The following CCZ1 variants were observed in gnomAD, a reference collection of about 807,000 sequenced individuals.
CCZ1 encodes vacuolar fusion protein CCZ1 homolog.
A neutral mutation model predicts 57.8 loss-of-function variants in CCZ1; 19 were observed. That is an observed-to-expected ratio of 0.33 (90% CI 0.23 to 0.48). The LOEUF is 0.48. Among genes scored for constraint, CCZ1 ranks in the 20% least tolerant of loss-of-function variants. CCZ1 has a pLI of 0.99. For missense variants in CCZ1, 200 were observed against 492.0 expected (o/e 0.41, Z 5.61); for synonymous variants, 81 against 167.0 (o/e 0.49, Z 3.97).
chr7:5,899,385 T>TGTGTG (rs1314094356), intron 1 of CCZ1, among the ~76,000 whole-genome samples: 1 of 109,270 alleles, frequency 9.2e-6, no homozygotes, highest in African/African-American at 3.7e-5. Flanking sequence ...GTGTGTGTGG[T>TGTGTG]TTTTCTGAGG....
chr7:5,902,171 G>A (rs1296888202), intron 5 of CCZ1: 3 of 183,792 alleles, frequency 1.6e-5, no homozygotes, highest in Non-Finnish European at 2.2e-5. Context: ...CATGGTGCAT[G>A]CCTGTAGTCC....
rs556607271 is a variant in CCZ1 at position 5,899,673 on chromosome 7, C to G, written c.121-611C>G. ...TTCCAGTTACTCAGGAGGCTGAGGC[C>G]AGAGGATCGCTTGAGCCCAAGTGAT... On this transcript the variant is annotated intron_variant, in intron 1 of 14. Coordinates refer to ENST00000325974, the MANE Select transcript of CCZ1 (RefSeq NM_015622.6). Among the ~76,000 whole-genome samples, 263 of 146,790 alleles carry G rather than the reference C, an allele frequency of 1.8e-3. 1 individual carries two copies. Among genetic ancestry groups the G allele is most frequent in the African/African-American group, 6.3e-3 (248 of 39,560 alleles).
rs1352722548 is a variant in CCZ1 at position 5,904,539 on chromosome 7, A to C, written c.523-555A>C. ...GACTCTGTCTATACCAAAAAAAAAAAAAAAAATTTTTGGCCAGGCGTGGTG... is the reference window on the plus strand; with the variant it reads ...GACTCTGTCTATACCAAAAAAAAAACAAAAAATTTTTGGCCAGGCGTGGTG... On this transcript the variant is annotated intron_variant, in intron 6 of 14. Coordinates refer to ENST00000325974, the MANE Select transcript of CCZ1 (RefSeq NM_015622.6). Among the ~76,000 whole-genome samples the C allele has an allele frequency of 3.4e-5, 5 of 147,076 alleles. 1 individual carries two copies. The highest frequency in any genetic ancestry group is 1.3e-4 in the African/African-American group (5 of 38,906).
chr7:5,903,758 C>T (rs1380935245), intron 6 of CCZ1, among the ~76,000 whole-genome samples: 1 of 147,568 alleles, frequency 6.8e-6, no homozygotes, highest in Non-Finnish European at 1.5e-5. Flanking sequence ...CTTTGGGAGG[C>T]CGATGCGGGC....
intron 8 of CCZ1, among the ~76,000 whole-genome samples, chr7:5,910,759 G>C (rs1781956048): frequency 7.1e-6 from 1 of 140,880 alleles, no homozygotes; most frequent in South Asian, 2.4e-4. Flanking sequence ...TATTGGGACA[G>C]AGTTTTGTTC....
intron 5 of CCZ1, chr7:5,902,045 G>T (rs1231592810): frequency 8.0e-6 from 2 of 249,968 alleles, no homozygotes; most frequent in Non-Finnish European, 1.5e-5. Flanking sequence ...TGTAATTTCA[G>T]CATTCTGGGA....
intron 7 of CCZ1, among the ~76,000 whole-genome samples, chr7:5,908,999 AC>A (rs1479461128): frequency 2.7e-5 from 4 of 146,550 alleles, no homozygotes; most frequent in Non-Finnish European, 5.9e-5. Flanking sequence ...TTACCATATA[AC>A]CCAGGAAGCT....
intron 1 of CCZ1, among the ~76,000 whole-genome samples, 189 bp from the exon 2 acceptor site, chr7:5,900,095 C>T (rs1781648627): frequency 6.6e-6 from 1 of 151,224 alleles, no homozygotes; most frequent in Non-Finnish European, 1.5e-5. Flanking sequence ...AACTCCTGAG[C>T]TCAAGTGATC....
chr7:5,905,634 T>G (rs1427674538), intron 7 of CCZ1, among the ~76,000 whole-genome samples: 1 of 143,796 alleles, frequency 7.0e-6, no homozygotes, highest in African/African-American at 2.6e-5. Context: ...ATACAAAAAG[T>G]AGCTGGGCGT....
At chr7:5,903,237 C>T (rs1175522163) in intron 6 of CCZ1, among the ~76,000 whole-genome samples, 3 of 146,202 alleles carry the variant, frequency 2.1e-5, no homozygotes, top group African/African-American at 5.1e-5. Flanking sequence ...TGTCCTCTTT[C>T]GTTGTAATTG....
intron 8 of CCZ1, among the ~76,000 whole-genome samples, chr7:5,910,747 T>TTTAC (rs1220605987): frequency 6.8e-6 from 1 of 146,852 alleles, no homozygotes; most frequent in East Asian, 2.2e-4. Flanking sequence ...TATTTATTTA[T>TTTAC]TTATTGGGAC....
intron 7 of CCZ1, among the ~76,000 whole-genome samples, chr7:5,909,261 T>G (rs910208197): frequency 2.0e-5 from 3 of 149,738 alleles, no homozygotes; most frequent in Non-Finnish European, 4.4e-5. Context: ...GATATAATGT[T>G]AAAGAGAAAA....
At position 5,901,580 on chromosome 7, in the gene CCZ1, G is replaced by A. The variant is rs1430031573; in HGVS notation, c.391-77G>A. On this transcript the variant is annotated intron_variant, in intron 4 of 14. Coordinates refer to ENST00000325974, the MANE Select transcript of CCZ1 (RefSeq NM_015622.6). ...CATTATACTGTTTGGCCAAGAGTTA[G>A]TGTACCTTTGCCATCTATCCAGTAG... The A allele has an allele frequency of 3.1e-5, 47 of 1,515,040 alleles. 1 individual carries two copies. The highest frequency in any genetic ancestry group is 3.7e-5 in the Non-Finnish European group (42 of 1,126,738). The allele number at this position is 1,515,040 out of a possible 1,614,324, so 93.8% of individuals were successfully genotyped here. A position where few individuals can be genotyped will look rare whatever the true frequency, so the allele number is the denominator to read the frequency against.
chr7:5,917,959 GC>G (rs1779171482), intron 10 of CCZ1: 1 of 147,826 alleles, frequency 6.8e-6, no homozygotes, highest in South Asian at 2.1e-4. Flanking sequence ...ACAGGATTTC[GC>G]TCTCGGAAGT....
At chr7:5,901,879 C>T (rs1781693244) in intron 5 of CCZ1, 175 bp downstream of exon 5, 1 of 552,326 alleles carries the variant, frequency 1.8e-6, no homozygotes, top group African/African-American at 1.9e-5. Context: ...TACATTTATT[C>T]AGTAAGTATT....
At chr7:5,900,034 T>A (rs917914508) in intron 1 of CCZ1, among the ~76,000 whole-genome samples, 1 of 150,346 alleles carries the variant, frequency 6.7e-6, no homozygotes, top group African/African-American at 2.5e-5. Flanking sequence ...CCTGTTCTTC[T>A]TCTTATTTTA....
At chr7:5,914,748 C>T (rs1467770725) in intron 10 of CCZ1, among the ~76,000 whole-genome samples, 9 of 148,282 alleles carry the variant, frequency 6.1e-5, no homozygotes, top group African/African-American at 1.3e-4. Flanking sequence ...AGGTGGCACA[C>T]GCCTCTAATC....
At position 5,925,635 on chromosome 7, in the gene CCZ1, A is replaced by C; in HGVS notation, c.1397A>C (p.Glu466Ala). 1 of 1,609,370 alleles carries C rather than the reference A, an allele frequency of 6.2e-7. No individual in the cohort carries two copies. Among genetic ancestry groups the C allele is most frequent in the Non-Finnish European group, 8.5e-7 (1 of 1,176,860 alleles). Residue 466 changes from glutamate (E) to alanine (A), a missense_variant, in exon 15 of 15, where the codon GAG (glutamate) becomes GCG (alanine). Glu to Ala is a moderately radical substitution (Grantham distance 107). Around this residue, in one of 5 missense-constraint regions of CCZ1, gnomAD observed 13 missense variants for 148.1 expected, o/e 0.09. Transcript: ENST00000325974. ...CACTGTTGTGTCCTTGTTGCAGAAGAGGTCAAGAAACTTTGTGCAACGCAG... is the reference window on the plus strand; with the variant it reads ...CACTGTTGTGTCCTTGTTGCAGAAGCGGTCAAGAAACTTTGTGCAACGCAG... ...KNANLIEVNE[E>A]VKKLCATQFN...
In CCZ1 at chr7:5,920,956, T is replaced by G. The variant is rs1187549285; in HGVS notation, c.1106+990T>G. Reference sequence around the variant, plus strand: ...GTTCATACGTTGTTTTTTGGGTTTTTTTTTTTTTTTTTTTTAAGACAGAGT... The same window carrying G: ...GTTCATACGTTGTTTTTTGGGTTTTGTTTTTTTTTTTTTTTAAGACAGAGT... On this transcript the variant is annotated intron_variant, in intron 12 of 14. Coordinates refer to ENST00000325974, the MANE Select transcript of CCZ1 (RefSeq NM_015622.6). 6.6e-3 allele frequency among the ~76,000 whole-genome samples: 695 copies of G among 105,686 alleles called. 35 individuals are homozygous for G. The highest frequency in any genetic ancestry group is 0.026 in the African/African-American group (649 of 25,390). The allele number at this position is 105,686 out of a possible 152,430, so 69.3% of individuals were successfully genotyped here.
Sources: allele counts gnomAD v4.1 joint callset (sites outside exome capture counted in the v4.1 genomes callset), GRCh38; gene constraint gnomAD v4.1.1; regional missense constraint gnomAD v4.1.1; transcripts MANE v1.5; gene names NCBI Gene and HGNC (gene_info 2026-07-23, HGNC 2026-07-21).